The following DNAH14 variants were observed in gnomAD, a reference collection of about 807,000 sequenced individuals.
DNAH14 encodes axonemal beta dynein heavy chain 14.
Under a neutral mutation model 520.9 loss-of-function variants are expected in DNAH14, and 478 were observed. The observed-to-expected ratio is 0.92, with a 90% confidence interval of 0.85 to 0.99. DNAH14 has a LOEUF of 0.99. Ranked by LOEUF, DNAH14 falls within the 50% of genes least tolerant of loss-of-function variation. DNAH14 has a pLI of 0.00. For missense variants in DNAH14, 4,831 were observed against 5,234.5 expected, an observed-to-expected ratio of 0.92 and a Z score of 2.38; for synonymous variants, 1,581 against 1,757.2, an observed-to-expected ratio of 0.90 and a Z score of 2.51.
chr1:225,274,194 G>GTTTTTTTTTTT (rs1193834939), intron 52 of DNAH14, among the ~76,000 whole-genome samples: 1,500 of 119,954 alleles, frequency 0.013, 215 homozygotes, highest in Non-Finnish European at 0.015. Context: ...ACCAGCATCT[G>GTTTTTTTTTTT]TTATTTTTTT....
chr1:225,027,364 C>A (rs1312859663), intron 11 of DNAH14, among the ~76,000 whole-genome samples: 1 of 152,108 alleles, frequency 6.6e-6, no homozygotes, highest in African/African-American at 2.4e-5. Context: ...AGTCTTTCAT[C>A]ATTAAGTATG....
Position 225,380,154 on chromosome 1 carries a change from TGCAGACC to T in DNAH14, c.12717-4_12719del. On this transcript the variant is annotated splice_acceptor_variant and splice_polypyrimidine_tract_variant and coding_sequence_variant and intron_variant, in exon 80 of 86. Transcript: ENST00000682510. LOFTEE classifies it high-confidence loss of function. ...GTCTCATTCTTCTCTTGGTTTTTTT[TGCAGACC>T]TGAGCAGAGTAAGGATGAACTGGTG... 1 of 1,544,346 alleles carries T rather than the reference TGCAGACC, an allele frequency of 6.5e-7. No individual in the cohort carries two copies. Among genetic ancestry groups the T allele is most frequent in the Non-Finnish European group, 8.7e-7 (1 of 1,144,192 alleles).
rs1002078526 is a variant in DNAH14, at chr1:225,346,129, C to T, written c.10846C>T (p.Leu3616=). 4 of 1,551,578 alleles carry T rather than the reference C, an allele frequency of 2.6e-6. No individual in the cohort carries two copies. The highest frequency in any genetic ancestry group is 2.0e-5 in the Admixed American group (1 of 50,990). The change falls in exon 70 of 86, where the codon CTA becomes TTA. Residue 3616 remains leucine, a synonymous_variant. Coordinates refer to ENST00000682510, the MANE Select transcript of DNAH14 (RefSeq NM_001367479.1). The part of the protein sequence containing the change: ...IATRGALLYF[L]VADLTQINYM... ...GACCCGAGGCGCCCTGCTCTACTTC[C>T]TAGTAGCTGATCTCACACAAATCAA... is the stretch of plus-strand genomic sequence containing the variant.
At chr1:225,054,719 A>T (rs1403761328) in intron 17 of DNAH14, among the ~76,000 whole-genome samples, 1 of 152,156 alleles carries the variant, frequency 6.6e-6, no homozygotes, top group African/African-American at 2.4e-5. Context: ...CATGTCATTT[A>T]TCAAAACATT....
At chr1:225,127,960 A>T (rs1573331283) in intron 27 of DNAH14, among the ~76,000 whole-genome samples, 1 of 152,018 alleles carries the variant, frequency 6.6e-6, no homozygotes. Flanking sequence ...TTTCTCTTTC[A>T]CTTATGAAAC....
intron 37 of DNAH14, among the ~76,000 whole-genome samples, chr1:225,186,814 T>A (rs962853451): frequency 6.6e-6 from 1 of 151,858 alleles, no homozygotes; most frequent in Non-Finnish European, 1.5e-5. Flanking sequence ...TATACTATAA[T>A]TTATTTAATG....
At chr1:225,012,131 T>G (rs962752902) in intron 10 of DNAH14, among the ~76,000 whole-genome samples, 1 of 152,200 alleles carries the variant, frequency 6.6e-6, no homozygotes, top group Non-Finnish European at 1.5e-5. Flanking sequence ...CAGGAGCTCT[T>G]ATAAGGCAGG....
chr1:225,289,130 C>T (rs2093810242), intron 54 of DNAH14, among the ~76,000 whole-genome samples: 1 of 152,030 alleles, frequency 6.6e-6, no homozygotes, highest in Admixed American at 6.6e-5. Flanking sequence ...TAAAAAGGAA[C>T]AAACTACTGA....
rs2093069271 is a variant in DNAH14, at chr1:225,265,251, T to C, written c.7292T>C (p.Val2431Ala). Residue 2431 changes from valine (V) to alanine (A), a missense_variant, in exon 48 of 86, where the codon GTT becomes GCT. Transcript: ENST00000682510. Reference sequence around the variant, plus strand: ...CTTAAAAATAATGATCATAAAGGAGTTGTAGTCTCTACAATAAATTTTAGC... The same window carrying C: ...CTTAAAAATAATGATCATAAAGGAGCTGTAGTCTCTACAATAAATTTTAGC... ...KLLKNNDHKG[V>A]VVSTINFSTN... 6.5e-7 allele frequency: 1 copy of C among 1,537,166 alleles called. No homozygotes were observed. The highest frequency in any genetic ancestry group is 8.8e-7 in the Non-Finnish European group (1 of 1,142,032).
Position 225,388,456 on chromosome 1 carries a change from T to A in DNAH14, c.13155T>A (p.Thr4385=), listed in dbSNP as rs375801560. 5 of 1,534,954 alleles carry A rather than the reference T, an allele frequency of 3.3e-6. No homozygotes were observed. Among genetic ancestry groups the A allele is most frequent in the Non-Finnish European group, 4.4e-6 (5 of 1,133,412 alleles). The change falls in exon 82 of 86, where the codon ACT becomes ACA. Residue 4385 remains threonine (T), a synonymous_variant. Coordinates refer to ENST00000682510, the MANE Select transcript of DNAH14 (RefSeq NM_001367479.1). ...TCCAGCGACTGAATTTCTTCAATAC[T>A]TGGGCCAAAGTGGCTTATACTGCAA... is the stretch of plus-strand genomic sequence containing the variant. ...DLIQRLNFFN[T]WAKVAYTAIQ... is the part of the protein sequence containing the mutation.
chr1:224,942,430 TAC>T (rs1263620957), intron 1 of DNAH14, among the ~76,000 whole-genome samples: 1 of 152,204 alleles, frequency 6.6e-6, no homozygotes, highest in Admixed American at 6.5e-5. Flanking sequence ...TTTCTAGACA[TAC>T]AATTGTGTCA....
chr1:225,130,172 G>A (rs992419995), intron 27 of DNAH14, among the ~76,000 whole-genome samples: 26 of 152,160 alleles, frequency 1.7e-4, no homozygotes, highest in Admixed American at 7.9e-4. Flanking sequence ...GGAAACAACA[G>A]GTGCTAGAGA....
intron 17 of DNAH14, among the ~76,000 whole-genome samples, chr1:225,052,942 C>T (rs898507792): frequency 6.6e-6 from 1 of 152,184 alleles, no homozygotes; most frequent in Non-Finnish European, 1.5e-5. Context: ...TAGCTAACCA[C>T]TCTGCCTTCC....
At position 225,392,296 on chromosome 1, in the gene DNAH14, C is replaced by T. The variant is rs1470380190; in HGVS notation, c.13336C>T (p.Leu4446Phe). ...GTGTGTGTTCTTCTCCAAAGCCTTT[C>T]TTGCTGCTGTGCTTCAAGACTATGG... Reference protein sequence around the residue: ...LPAFFFPQAFLAAVLQDYGRS... With the variant: ...LPAFFFPQAFFAAVLQDYGRS... Residue 4446 changes from leucine (L) to phenylalanine (F), a missense_variant, in exon 84 of 86, where the codon CTT becomes TTT. Leu to Phe is a conservative substitution (Grantham distance 22, BLOSUM62 0). Transcript: ENST00000682510. 2 of 1,552,278 alleles carry T rather than the reference C, an allele frequency of 1.3e-6. No homozygotes were observed. Among genetic ancestry groups the T allele is most frequent in the African/African-American group, 2.7e-5 (2 of 73,068 alleles).
intron 13 of DNAH14, among the ~76,000 whole-genome samples, 161 bp downstream of exon 13, chr1:225,043,275 G>A (rs1222382209): frequency 6.8e-5 from 1 of 14,674 alleles, no homozygotes; most frequent in Non-Finnish European, 5.1e-4. Context: ...TGTCTCTTGG[G>A]GAAAAAAAAA....
chr1:224,993,942 C>T (rs573444554), intron 8 of DNAH14, among the ~76,000 whole-genome samples: 1 of 151,894 alleles, frequency 6.6e-6, no homozygotes, highest in East Asian at 1.9e-4. Context: ...TTGGCTTTTT[C>T]GTTGTGCAAG....
At chr1:224,973,133 T>A (rs962362458) in intron 7 of DNAH14, among the ~76,000 whole-genome samples, 2 of 152,236 alleles carry the variant, frequency 1.3e-5, no homozygotes, top group African/African-American at 4.8e-5. Context: ...AGATTTTGAT[T>A]GAGGCAGTCC....
intron 71 of DNAH14, among the ~76,000 whole-genome samples, 164 bp from the exon 72 acceptor site, chr1:225,351,482 AG>A (rs2095365959): frequency 6.6e-6 from 1 of 152,202 alleles, no homozygotes; most frequent in Non-Finnish European, 1.5e-5. Flanking sequence ...TTTTATATAA[AG>A]TAGCTTTTTA....
At chr1:224,995,121 C>A (rs2063310988) in intron 8 of DNAH14, among the ~76,000 whole-genome samples, 1 of 152,054 alleles carries the variant, frequency 6.6e-6, no homozygotes. Flanking sequence ...GAATATGGTT[C>A]AGTATTATTT....
Sources: gnomAD v4.1 joint callset for allele counts (sites outside exome capture counted in the v4.1 genomes callset) on GRCh38, gnomAD v4.1.1 for gene constraint, MANE v1.5 for transcripts, NCBI Gene and HGNC (gene_info 2026-07-23, HGNC 2026-07-21) for gene names.